KCNQ3: variants seen among roughly 807,000 people sequenced by gnomAD.
The protein encoded by KCNQ3 is potassium voltage-gated channel subfamily Q member 3, also known as potassium voltage-gated channel subfamily KQT member 3.
A neutral mutation model predicts 92.5 loss-of-function variants in KCNQ3; 30 were observed. That is an observed-to-expected ratio of 0.32 (90% CI 0.24 to 0.44). The LOEUF (loss-of-function observed/expected upper bound fraction) is 0.44. Among genes scored for constraint, KCNQ3 ranks in the 20% least tolerant of loss-of-function variants. KCNQ3 has a pLI of 1.00. For missense variants in KCNQ3, 913 were observed against 1,140.3 expected (o/e 0.80, Z 2.87); for synonymous variants, 450 against 468.8 (o/e 0.96, Z 0.52).
intron 9 of KCNQ3, among the ~76,000 whole-genome samples, chr8:132,149,296 C>T (rs80050602): frequency 0.057 from 8,756 of 152,322 alleles, 376 homozygotes; most frequent in South Asian, 0.12. Flanking sequence ...GGAGCCTGGC[C>T]TCTCCTGTTC....
At chr8:132,310,824 T>G (rs1023170225) in intron 1 of KCNQ3, among the ~76,000 whole-genome samples, 2 of 152,220 alleles carry the variant, frequency 1.3e-5, no homozygotes, top group Non-Finnish European at 2.9e-5. Flanking sequence ...ATGGATTCTT[T>G]GAAAAATTCT....
At chr8:132,168,811 G>C (rs186549456) in intron 8 of KCNQ3, among the ~76,000 whole-genome samples, 1 of 147,500 alleles carries the variant, frequency 6.8e-6, no homozygotes. Context: ...GGCACAGAGA[G>C]AGCCCCCTAT....
At chr8:132,200,826 C>G (rs778674764) in intron 1 of KCNQ3, among the ~76,000 whole-genome samples, 2 of 152,164 alleles carry the variant, frequency 1.3e-5, no homozygotes, top group Non-Finnish European at 2.9e-5. Context: ...ACTAAGTCAA[C>G]GGCTTGTTTG....
chr8:132,347,787 C>A (rs1053618642), intron 1 of KCNQ3, among the ~76,000 whole-genome samples: 2 of 151,932 alleles, frequency 1.3e-5, no homozygotes, highest in African/African-American at 4.8e-5. Flanking sequence ...ACCATCCTGG[C>A]TAACACAGTG....
intron 10 of KCNQ3, chr8:132,140,391 G>C (rs919146187): frequency 1.8e-6 from 1 of 560,904 alleles, no homozygotes; most frequent in African/African-American, 1.9e-5. Flanking sequence ...CAAGTCAAAA[G>C]TGTGCGCAGC....
intron 1 of KCNQ3, among the ~76,000 whole-genome samples, chr8:132,207,364 C>T (rs1813693257): frequency 6.6e-6 from 1 of 152,148 alleles, no homozygotes; most frequent in Non-Finnish European, 1.5e-5. Flanking sequence ...AAAATGGCAC[C>T]TGGAATTTGC....
chr8:132,291,475 T>G (rs968485084), intron 1 of KCNQ3, among the ~76,000 whole-genome samples: 1 of 152,224 alleles, frequency 6.6e-6, no homozygotes, highest in Non-Finnish European at 1.5e-5. Context: ...ATAAAGGCAA[T>G]TAATTAATTG....
intron 1 of KCNQ3, among the ~76,000 whole-genome samples, chr8:132,399,951 C>G (rs1380576932): frequency 1.3e-5 from 2 of 152,164 alleles, no homozygotes; most frequent in African/African-American, 4.8e-5. Flanking sequence ...ATGATCTTTA[C>G]ATCAGGTTTT....
At chr8:132,429,963 G>T (rs534988642) in intron 1 of KCNQ3, among the ~76,000 whole-genome samples, 1 of 151,532 alleles carries the variant, frequency 6.6e-6, no homozygotes, top group Non-Finnish European at 1.5e-5. Flanking sequence ...AAGTGCTCTA[G>T]TTCATTCATT....
intron 1 of KCNQ3, among the ~76,000 whole-genome samples, chr8:132,330,071 C>T (rs538586600): frequency 1.3e-5 from 2 of 152,218 alleles, no homozygotes; most frequent in African/African-American, 4.8e-5. Flanking sequence ...TCTAGGTGAG[C>T]CCTAAATCCA....
chr8:132,133,459 G>A lies in KCNQ3; in HGVS notation c.1799+831C>T, dbSNP rs565635273. 5.6e-3 allele frequency among the ~76,000 whole-genome samples: 799 copies of A among 143,958 alleles called. 13 individuals carry two copies. Among genetic ancestry groups the A allele is most frequent in the African/African-American group, 0.019 (763 of 39,378 alleles). 94.4% of individuals were successfully genotyped at this position (143,958 alleles called of 152,430 possible). ...CAACCTCTGACTCCCTGGTTCAAGC[G>A]ATTCTCCTGCCTCAGCCTCCCAAGT... On this transcript the variant is annotated intron_variant, in intron 13 of 14. Transcript: ENST00000388996.
chr8:132,291,400 C>A (rs16904647), intron 1 of KCNQ3, among the ~76,000 whole-genome samples: 3,920 of 152,208 alleles, frequency 0.026, 183 homozygotes, highest in African/African-American at 0.089. Context: ...ATACCCAGGC[C>A]TGCTTATTAT....
At chr8:132,363,279 A>G (rs1247229855) in intron 1 of KCNQ3, among the ~76,000 whole-genome samples, 2 of 152,194 alleles carry the variant, frequency 1.3e-5, no homozygotes, top group Non-Finnish European at 2.9e-5. Flanking sequence ...GAGTTTGGAA[A>G]AGGCTAGATT....
chr8:132,244,346 C>T (rs562366846), intron 1 of KCNQ3, among the ~76,000 whole-genome samples: 1 of 149,978 alleles, frequency 6.7e-6, no homozygotes, highest in South Asian at 2.1e-4. Context: ...CTAGGTCTTG[C>T]TCTTTTTTTA....
chr8:132,187,696 A>ATGATGGTGGTGGTGGTGATGGTGG (rs1827016355), intron 1 of KCNQ3, among the ~76,000 whole-genome samples: 1 of 122,760 alleles, frequency 8.1e-6, no homozygotes, highest in Non-Finnish European at 1.7e-5. Flanking sequence ...GATGGTTGTG[A>ATGATGGTGGTGGTGGTGATGGTGG]TGATAGTGGT....
intron 1 of KCNQ3, among the ~76,000 whole-genome samples, chr8:132,205,876 A>T (rs1250015424): frequency 6.6e-6 from 1 of 152,172 alleles, no homozygotes; most frequent in Admixed American, 6.5e-5. Flanking sequence ...GAACAGCTGT[A>T]TTAATAGATG....
chr8:132,201,261 T>C (rs979688034), intron 1 of KCNQ3, among the ~76,000 whole-genome samples: 1 of 152,212 alleles, frequency 6.6e-6, no homozygotes, highest in East Asian at 1.9e-4. Flanking sequence ...CACTTCATAT[T>C]GTGCCACCCT....
chr8:132,375,703 C>T (rs1586967495), intron 1 of KCNQ3, among the ~76,000 whole-genome samples: 1 of 152,294 alleles, frequency 6.6e-6, no homozygotes, highest in South Asian at 2.1e-4. Flanking sequence ...GGAAACAATT[C>T]CCACCCATGT....
At position 132,169,480 on chromosome 8, in the gene KCNQ3, C is replaced by T. The variant is rs146968208; in HGVS notation, c.1235+854G>A. On this transcript the variant is annotated intron_variant, in intron 8 of 14. Transcript: ENST00000388996. ...TTCTCTGAGATCTTTAGTTCAATCTCCCACCTCTGAGAACACGAAACAGCG... is the reference window on the plus strand; with the variant it reads ...TTCTCTGAGATCTTTAGTTCAATCTTCCACCTCTGAGAACACGAAACAGCG... Among the ~76,000 whole-genome samples the T allele has an allele frequency of 8.5e-3, 1,290 of 152,318 alleles. 7 individuals are homozygous for T. Among genetic ancestry groups the T allele is most frequent in the Non-Finnish European group, 0.015 (990 of 68,024 alleles).
Sources: gnomAD v4.1 joint callset for allele counts (sites outside exome capture counted in the v4.1 genomes callset) on GRCh38, gnomAD v4.1.1 for gene constraint, MANE v1.5 for transcripts, NCBI Gene and HGNC (gene_info 2026-07-23, HGNC 2026-07-21) for gene names.